The following MYBL1 variants were observed in gnomAD, a reference collection of about 807,000 sequenced individuals.
MYBL1 encodes MYB proto-oncogene like 1, also known as myb-related protein A.
In MYBL1, 17 loss-of-function variants were observed where a neutral mutation model predicts 96.3. The observed-to-expected ratio is 0.18, with a 90% confidence interval of 0.12 to 0.26. The LOEUF (loss-of-function observed/expected upper bound fraction) is 0.26. Ranked by LOEUF, MYBL1 falls within the 10% of genes least tolerant of loss-of-function variation. The pLI is 1.00. For synonymous variants in MYBL1, 282 were observed against 292.7 expected (o/e 0.96, Z 0.37); for missense variants, 701 against 882.9 (o/e 0.79, Z 2.61).
At chr8:66,611,933 T>C (rs919478479) in intron 1 of MYBL1, among the ~76,000 whole-genome samples, 1 of 152,256 alleles carries the variant, frequency 6.6e-6, no homozygotes, top group African/African-American at 2.4e-5. Flanking sequence ...TCAGGTTTAT[T>C]TGATAATGCT....
intron 1 of MYBL1, among the ~76,000 whole-genome samples, chr8:66,604,104 G>A (rs558871342): frequency 6.6e-6 from 1 of 152,066 alleles, no homozygotes; most frequent in East Asian, 1.9e-4. Flanking sequence ...ATAGATAAAT[G>A]GAACAGAACA....
chr8:66,564,890 C>CCTG, intron 15 of MYBL1, 65 bp from the exon 16 acceptor site: 2 of 1,093,604 alleles, frequency 1.8e-6, no homozygotes, highest in Non-Finnish European at 1.2e-6. Context: ...CACAATTAGA[C>CCTG]TCTTAAAGTC....
chr8:66,608,809 A>G (rs768472307), intron 1 of MYBL1, among the ~76,000 whole-genome samples: 2 of 152,116 alleles, frequency 1.3e-5, no homozygotes, highest in Non-Finnish European at 2.9e-5. Flanking sequence ...TTCCTAGCCT[A>G]GTGTAATTAT....
chr8:66,580,494 T>TA, intron 8 of MYBL1, 128 bp from the exon 9 acceptor site: 1 of 639,572 alleles, frequency 1.6e-6, no homozygotes, highest in Non-Finnish European at 2.6e-6. Flanking sequence ...AAAATTGGTA[T>TA]ACTTTTTTCA....
At position 66,576,889 on chromosome 8, in the gene MYBL1, A is replaced by G. The variant is rs561017192; in HGVS notation, c.1102-514T>C. Among the ~76,000 whole-genome samples the G allele has an allele frequency of 2.0e-5, 3 of 152,322 alleles. 1 individual carries two copies. Among genetic ancestry groups the G allele is most frequent in the South Asian group, 4.1e-4 (2 of 4,826 alleles). Reference sequence around the variant, plus strand: ...CTAAGCTTATCCACCATGATCAAGCAGGCTTCATCCCTGGGATGCAAGGCT... The same window carrying G: ...CTAAGCTTATCCACCATGATCAAGCGGGCTTCATCCCTGGGATGCAAGGCT... On this transcript the variant is annotated intron_variant, in intron 9 of 15. Transcript: ENST00000522677.
intron 1 of MYBL1, among the ~76,000 whole-genome samples, chr8:66,606,122 C>T (rs762609998): frequency 2.6e-5 from 4 of 152,122 alleles, no homozygotes; most frequent in Non-Finnish European, 4.4e-5. Flanking sequence ...AAAGACAAAC[C>T]TCAAGTTCAT....
At chr8:66,595,490 C>A (rs369578490) in intron 6 of MYBL1, 93 bp downstream of exon 6, 1 of 614,914 alleles carries the variant, frequency 1.6e-6, no homozygotes, top group Non-Finnish European at 2.5e-6. Flanking sequence ...CCCCTTAATA[C>A]GCATTGTATT....
chr8:66,592,707 C>T (rs1183292877), intron 7 of MYBL1, among the ~76,000 whole-genome samples, 163 bp from the exon 8 acceptor site: 1 of 152,086 alleles, frequency 6.6e-6, no homozygotes, highest in Non-Finnish European at 1.5e-5. Flanking sequence ...CCTCTGGTAT[C>T]TAAAGAGGTG....
rs865994924 is a variant in MYBL1, at chr8:66,602,350, C to T, written c.126+68G>A. The T allele has an allele frequency of 1.1e-5, 12 of 1,087,156 alleles. No homozygotes were observed. In the South Asian group the frequency reaches 1.9e-4, roughly 17 times the overall value. 67.3% of individuals were successfully genotyped at this position (1,087,156 alleles called of 1,614,324 possible). On this transcript the variant is annotated intron_variant, in intron 2 of 15. Coordinates refer to ENST00000522677, the MANE Select transcript of MYBL1 (RefSeq NM_001080416.4). ...ACAGGCGTGAGCCACCACACCTGGC[C>T]GTATAACTATAGCAGTATTAACCAA... is the stretch of plus-strand genomic sequence containing the variant.
At chr8:66,576,504 C>CT in intron 9 of MYBL1, 129 bp from the exon 10 acceptor site, 9 of 1,098,548 alleles carry the variant, frequency 8.2e-6, no homozygotes, top group Non-Finnish European at 1.2e-5. Context: ...TTTCCTTGGA[C>CT]ATTTTTTTTA....
intron 4 of MYBL1, among the ~76,000 whole-genome samples, chr8:66,597,847 TAAAAAAAAAA>T (rs1189665191): frequency 2.8e-5 from 1 of 36,172 alleles, no homozygotes; most frequent in Non-Finnish European, 5.3e-5. Context: ...CTCCTACATC[TAAAAAAAAAA>T]AAAAAAAAAA....
At chr8:66,610,237 G>A (rs1003312310) in intron 1 of MYBL1, among the ~76,000 whole-genome samples, 1 of 151,874 alleles carries the variant, frequency 6.6e-6, no homozygotes, top group African/African-American at 2.4e-5. Context: ...AATTGTCATC[G>A]CAATTCCCAG....
intron 12 of MYBL1, among the ~76,000 whole-genome samples, chr8:66,571,723 A>G (rs990404716): frequency 1.3e-5 from 2 of 151,902 alleles, no homozygotes; most frequent in Non-Finnish European, 2.9e-5. Context: ...TCTACTAAAA[A>G]TACAAAAATT....
rs537579074 is a variant in MYBL1 at position 66,601,554 on chromosome 8, A to G, written c.198+144T>C. 193 of 551,190 alleles carry G rather than the reference A, an allele frequency of 3.5e-4. No homozygotes were observed. In the Middle Eastern group the frequency reaches 6.2e-3, roughly 18 times the overall value. 34.1% of individuals were successfully genotyped at this position (551,190 alleles called of 1,614,324 possible). ...AGACTCTCCAAGCCATTAGCAACCA[A>G]CTAGAGGCAGACCAAACCAACAGGG... is the stretch of plus-strand genomic sequence containing the variant. On this transcript the variant is annotated intron_variant, in intron 3 of 15. Coordinates refer to ENST00000522677, the MANE Select transcript of MYBL1 (RefSeq NM_001080416.4).
intron 1 of MYBL1, among the ~76,000 whole-genome samples, chr8:66,606,789 G>GTT (rs531370971): frequency 3.5e-5 from 5 of 144,836 alleles, no homozygotes; most frequent in Admixed American, 6.9e-5. Flanking sequence ...ATACATGGCT[G>GTT]TTTTTTTTTT....
At chr8:66,586,145 G>A (rs1191821066) in intron 8 of MYBL1, among the ~76,000 whole-genome samples, 3 of 147,438 alleles carry the variant, frequency 2.0e-5, no homozygotes, top group Non-Finnish European at 4.5e-5. Flanking sequence ...TCCCAGGCTC[G>A]AGCCATCCTC....
At chr8:66,602,316 G>A in intron 2 of MYBL1, 102 bp downstream of exon 2, 3 of 672,100 alleles carry the variant, frequency 4.5e-6, no homozygotes, top group Non-Finnish European at 6.9e-6. Context: ...CTCCCAAAGG[G>A]CTGGGATTAC....
chr8:66,576,823 C>T (rs897737115), intron 9 of MYBL1, among the ~76,000 whole-genome samples: 1 of 152,072 alleles, frequency 6.6e-6, no homozygotes, highest in Non-Finnish European at 1.5e-5. Flanking sequence ...TGATTTTGCA[C>T]AAAGCTTTAT....
intron 9 of MYBL1, among the ~76,000 whole-genome samples, chr8:66,577,125 T>C (rs1348000063): frequency 6.6e-6 from 1 of 151,844 alleles, no homozygotes; most frequent in Non-Finnish European, 1.5e-5. Flanking sequence ...AATATCATAC[T>C]GAATGGGCGA....
Sources: gnomAD v4.1 joint callset for allele counts (sites outside exome capture counted in the v4.1 genomes callset) on GRCh38, gnomAD v4.1.1 for gene constraint, MANE v1.5 for transcripts, NCBI Gene and HGNC (gene_info 2026-07-23, HGNC 2026-07-21) for gene names.